Variants in GALNT13 observed in about 807,000 individuals in gnomAD.
GALNT13 encodes the protein UDP-GalNAc:polypeptide N-acetylgalactosaminyltransferase 13.
Under a neutral mutation model 64.2 loss-of-function variants are expected in GALNT13, and 28 were observed. The observed-to-expected ratio is 0.44, with a 90% CI of 0.32 to 0.60. GALNT13 has a LOEUF of 0.60. Among genes scored for constraint, GALNT13 ranks in the 20% least tolerant of loss-of-function variants. The pLI is 0.05. For synonymous variants in GALNT13, 214 were observed against 224.6 expected (o/e 0.95, Z 0.42); for missense variants, 577 against 669.8 (o/e 0.86, Z 1.53).
the GALNT13 span, among the ~76,000 whole-genome samples, chr2:153,144,353 C>G: frequency 4.0e-5 from 6 of 151,856 alleles, no homozygotes; most frequent in African/African-American, 1.4e-4. Context: ...ATATGTAGAA[C>G]AAGAAAGTTG....
chr2:153,899,645 T>G (rs2105288686), intron 1 of GALNT13, among the ~76,000 whole-genome samples: 1 of 152,176 alleles, frequency 6.6e-6, no homozygotes, highest in Middle Eastern at 3.4e-3. Context: ...AATTAGATTT[T>G]ATATTCAAAA....
At chr2:153,810,685 C>T in the GALNT13 span, among the ~76,000 whole-genome samples, 12 of 152,214 alleles carry the variant, frequency 7.9e-5, no homozygotes, top group African/African-American at 2.6e-4. Flanking sequence ...AAAAGGAAGA[C>T]ATATTTATAT....
chr2:153,544,537 G>C, the GALNT13 span, among the ~76,000 whole-genome samples: 1 of 152,158 alleles, frequency 6.6e-6, no homozygotes, highest in Admixed American at 6.6e-5. Context: ...CATCCACAAA[G>C]TGGAGAATCA....
chr2:153,183,759 G>C, the GALNT13 span, among the ~76,000 whole-genome samples: 28 of 152,248 alleles, frequency 1.8e-4, no homozygotes, highest in African/African-American at 6.5e-4. Flanking sequence ...TGTCAGGTTT[G>C]TCAAAGAAAA....
At chr2:154,236,035 T>C (rs1191208964) in intron 4 of GALNT13, 6 of 1,241,010 alleles carry the variant, frequency 4.8e-6, no homozygotes, top group Non-Finnish European at 5.3e-6. Flanking sequence ...TATATATTTA[T>C]AAATCAACAG....
chr2:154,340,746 T>G (rs1305173609), intron 9 of GALNT13, among the ~76,000 whole-genome samples: 1 of 152,140 alleles, frequency 6.6e-6, no homozygotes, highest in Admixed American at 6.6e-5. Context: ...CTAAAAAGAT[T>G]AGTGTAAAAA....
the GALNT13 span, among the ~76,000 whole-genome samples, chr2:153,551,405 T>C: frequency 1.3e-5 from 2 of 152,098 alleles, no homozygotes; most frequent in Non-Finnish European, 2.9e-5. Flanking sequence ...GTGTGGTGAA[T>C]AGACCGTATG....
At chr2:153,356,467 G>A in the GALNT13 span, 1 of 152,098 alleles carries the variant, frequency 6.6e-6, no homozygotes, top group Non-Finnish European at 1.5e-5. Context: ...CTTAGTGAGG[G>A]ATACACTAGA....
At chr2:153,297,684 A>G in the GALNT13 span, among the ~76,000 whole-genome samples, 1 of 152,216 alleles carries the variant, frequency 6.6e-6, no homozygotes, top group African/African-American at 2.4e-5. Context: ...AAATGATACT[A>G]AATGAGAAAA....
chr2:153,147,628 T>C, the GALNT13 span, among the ~76,000 whole-genome samples: 1 of 151,044 alleles, frequency 6.6e-6, no homozygotes, highest in Non-Finnish European at 1.5e-5. Context: ...GTTACAGTGA[T>C]CCAGCAAAGT....
intron 4 of GALNT13, among the ~76,000 whole-genome samples, chr2:154,230,348 A>G (rs932797213): frequency 6.6e-6 from 1 of 152,150 alleles, no homozygotes; most frequent in Non-Finnish European, 1.5e-5. Context: ...CCAGGCAACT[A>G]ATTGTTAACT....
chr2:153,280,442 T>A, the GALNT13 span, among the ~76,000 whole-genome samples: 1 of 152,186 alleles, frequency 6.6e-6, no homozygotes, highest in Admixed American at 6.5e-5. Context: ...TTCTAGTTAC[T>A]CTAAGGGTAC....
intron 1 of GALNT13, among the ~76,000 whole-genome samples, chr2:153,875,237 C>T (rs1055340180): frequency 5.3e-5 from 8 of 152,164 alleles, no homozygotes; most frequent in Admixed American, 6.5e-5. Context: ...ATACTACTTT[C>T]TTGATGATAT....
At chr2:153,783,572 G>A in the GALNT13 span, among the ~76,000 whole-genome samples, 1 of 152,004 alleles carries the variant, frequency 6.6e-6, no homozygotes, top group South Asian at 2.1e-4. Flanking sequence ...CCTTTTATCT[G>A]TTGTCCAGGG....
the GALNT13 span, among the ~76,000 whole-genome samples, chr2:153,301,378 T>C: frequency 1.3e-5 from 2 of 150,568 alleles, no homozygotes; most frequent in Non-Finnish European, 3.0e-5. Context: ...CCTAGTTCCT[T>C]AAGAAATTTT....
At chr2:153,583,430 C>T in the GALNT13 span, among the ~76,000 whole-genome samples, 116 of 152,118 alleles carry the variant, frequency 7.6e-4, no homozygotes, top group South Asian at 1.7e-3. Context: ...ATTATTCAAG[C>T]GGGAACATGG....
At chr2:154,386,869 T>C (rs188424749) in intron 9 of GALNT13, among the ~76,000 whole-genome samples, 2 of 152,218 alleles carry the variant, frequency 1.3e-5, no homozygotes, top group East Asian at 1.9e-4. Context: ...TTTGAGGTAA[T>C]TGCCTAGAAA....
At chr2:154,233,055 AAAG>A (rs1689011622) in intron 4 of GALNT13, among the ~76,000 whole-genome samples, 1 of 151,122 alleles carries the variant, frequency 6.6e-6, no homozygotes. Flanking sequence ...AAAAAAAAAA[AAAG>A]AAAAAGAAAA....
At chr2:153,472,469 G>T in the GALNT13 span, among the ~76,000 whole-genome samples, 1 of 152,078 alleles carries the variant, frequency 6.6e-6, no homozygotes, top group Non-Finnish European at 1.5e-5. Context: ...AAATGGAAAG[G>T]AATCATGTCA....
Sources: gnomAD v4.1 joint callset for allele counts (sites outside exome capture counted in the v4.1 genomes callset) on GRCh38, gnomAD v4.1.1 for gene constraint, MANE v1.5 for transcripts, NCBI Gene and HGNC (gene_info 2026-07-23, HGNC 2026-07-21) for gene names.